Variants in TOX observed in about 807,000 individuals in gnomAD.
The protein encoded by TOX is thymocyte selection associated high mobility group box.
In TOX, 11 loss-of-function variants were observed where a neutral mutation model predicts 53.7. The observed-to-expected ratio is 0.20, with a 90% CI of 0.13 to 0.34. The LOEUF is 0.34. Among genes scored for constraint, TOX ranks in the 10% least tolerant of loss-of-function variants. The pLI is 1.00. For synonymous variants in TOX, 225 were observed against 245.3 expected, an observed-to-expected ratio of 0.92 and a Z score of 0.77; for missense variants, 570 against 664.6, an observed-to-expected ratio of 0.86 and a Z score of 1.56.
In TOX at chr8:58,851,619, C is replaced by A. The variant is rs1213863036; in HGVS notation, c.598G>T (p.Val200Phe). Residue 200 changes from valine to phenylalanine, a missense_variant, in exon 4 of 9, where the codon GTT (valine) becomes TTT (phenylalanine). Val to Phe is a conservative substitution (Grantham distance 50). Transcript: ENST00000361421. This position sits in a 1 kb window ranked among gnomAD's most constrained non-coding sequence, Gnocchi z 4.4. ...QLGLNMGGSNVPHNSPSPPGS... is the reference protein window; with the variant it reads ...QLGLNMGGSNFPHNSPSPPGS... Reference sequence around the variant, plus strand: ...GGTGGAGATGGTGAGTTGTGGGGAACATTGCTTCCTCCCATATTCAAACCA... The same window carrying A: ...GGTGGAGATGGTGAGTTGTGGGGAAAATTGCTTCCTCCCATATTCAAACCA... The A allele has an allele frequency of 6.2e-7, 1 of 1,613,440 alleles. No individual in the cohort carries two copies. The highest frequency in any genetic ancestry group is 8.5e-7 in the Non-Finnish European group (1 of 1,179,774).
At chr8:59,070,759 C>G (rs1424833014) in intron 1 of TOX, among the ~76,000 whole-genome samples, 1 of 152,094 alleles carries the variant, frequency 6.6e-6, no homozygotes, top group Non-Finnish European at 1.5e-5. Flanking sequence ...ACCTCTATTT[C>G]ATCTGAAATA....
At chr8:58,912,217 A>T (rs1811920666) in intron 3 of TOX, among the ~76,000 whole-genome samples, 1 of 152,250 alleles carries the variant, frequency 6.6e-6, no homozygotes, top group Admixed American at 6.5e-5. Context: ...AGTACAATTT[A>T]CTTTAATTTA....
At chr8:58,908,248 A>G (rs1811851108) in intron 3 of TOX, among the ~76,000 whole-genome samples, 1 of 152,202 alleles carries the variant, frequency 6.6e-6, no homozygotes, top group African/African-American at 2.4e-5. Context: ...GTAATAGCAC[A>G]GATGGGGAAT....
chr8:59,068,417 AGG>A (rs1290451441), intron 1 of TOX, among the ~76,000 whole-genome samples: 3 of 148,584 alleles, frequency 2.0e-5, no homozygotes, highest in Admixed American at 1.3e-4. Flanking sequence ...GAAGAAGAAG[AGG>A]AAAAAAAGAG....
At chr8:58,837,175 T>A (rs190787357) in intron 5 of TOX, among the ~76,000 whole-genome samples, 16 of 152,338 alleles carry the variant, frequency 1.1e-4, no homozygotes, top group African/African-American at 3.8e-4. Context: ...GAGGAAAGAT[T>A]GGTGTCTCTA....
At chr8:58,909,474 A>T (rs1234972315) in intron 3 of TOX, among the ~76,000 whole-genome samples, 1 of 152,214 alleles carries the variant, frequency 6.6e-6, no homozygotes. Flanking sequence ...TTGTATGGAC[A>T]TTAAAATTTG....
intron 3 of TOX, among the ~76,000 whole-genome samples, chr8:58,886,895 G>A (rs1346452876): frequency 2.5e-4 from 37 of 150,416 alleles, no homozygotes; most frequent in Non-Finnish European, 1.5e-5. Flanking sequence ...GTTAAAGGTA[G>A]TTGTTATAGG....
chr8:58,875,537 G>C (rs1051715344), intron 3 of TOX, among the ~76,000 whole-genome samples: 1 of 152,032 alleles, frequency 6.6e-6, no homozygotes, highest in African/African-American at 2.4e-5. Context: ...CTCCCTCTTA[G>C]AATAGAAAAA....
intron 3 of TOX, among the ~76,000 whole-genome samples, chr8:58,914,856 G>C (rs1353780909): frequency 5.9e-5 from 9 of 151,866 alleles, no homozygotes; most frequent in Non-Finnish European, 4.4e-5. Context: ...CACCGTGCGC[G>C]AGCCGAAGCA....
chr8:59,066,564 C>G (rs1804097657), intron 1 of TOX, among the ~76,000 whole-genome samples: 5 of 152,146 alleles, frequency 3.3e-5, no homozygotes, highest in Admixed American at 3.3e-4. Context: ...TTACAGATTG[C>G]CTGCCTTCCC....
intron 3 of TOX, among the ~76,000 whole-genome samples, chr8:58,895,391 T>C (rs978483951): frequency 2.0e-5 from 3 of 152,168 alleles, no homozygotes; most frequent in African/African-American, 7.2e-5. Flanking sequence ...AACGTATAAA[T>C]ATATGAGATA....
intron 7 of TOX, among the ~76,000 whole-genome samples, chr8:58,811,454 C>T (rs1394180017): frequency 6.6e-6 from 1 of 152,176 alleles, no homozygotes; most frequent in African/African-American, 2.4e-5. Context: ...TGTTGTGCCA[C>T]CAGAGCAAGT....
In TOX at chr8:58,838,324, T is replaced by C; in HGVS notation, c.694-13A>G. The C allele has an allele frequency of 1.2e-6, 2 of 1,606,850 alleles. No individual in the cohort carries two copies. The highest frequency in any genetic ancestry group is 8.5e-7 in the Non-Finnish European group (1 of 1,175,822). The stretch of plus-strand genomic sequence containing the variant: ...CTCCACCATTGATCTGAAAGAGAAA[T>C]CAAAATAGAATTATAGGGGGACTGA... On this transcript the variant is annotated splice_polypyrimidine_tract_variant and intron_variant, in intron 4 of 8. Coordinates refer to ENST00000361421, the MANE Select transcript of TOX (RefSeq NM_014729.3).
intron 7 of TOX, among the ~76,000 whole-genome samples, chr8:58,810,696 G>A (rs1810062571): frequency 6.6e-6 from 1 of 151,994 alleles, no homozygotes; most frequent in Non-Finnish European, 1.5e-5. Context: ...TAACCTAAAA[G>A]GAAAAAAGTC....
intron 6 of TOX, among the ~76,000 whole-genome samples, chr8:58,824,097 T>C (rs2129165566): frequency 6.6e-6 from 1 of 152,162 alleles, no homozygotes; most frequent in South Asian, 2.1e-4. Flanking sequence ...CTGGGTATTT[T>C]AGGAGTGCGG....
At chr8:58,900,321 A>T (rs1811714121) in intron 3 of TOX, among the ~76,000 whole-genome samples, 1 of 152,204 alleles carries the variant, frequency 6.6e-6, no homozygotes, top group East Asian at 1.9e-4. Context: ...TTTATATAAT[A>T]CAACCTCTAT....
chr8:58,900,594 T>C (rs781435685), intron 3 of TOX, among the ~76,000 whole-genome samples: 13 of 152,150 alleles, frequency 8.5e-5, no homozygotes, highest in Non-Finnish European at 1.6e-4. Context: ...AAAATGCTCA[T>C]ACAATATGAC....
chr8:58,884,414 C>T (rs1051849783), intron 3 of TOX, among the ~76,000 whole-genome samples: 2 of 152,086 alleles, frequency 1.3e-5, no homozygotes, highest in African/African-American at 4.8e-5. Flanking sequence ...TGGGACCTGA[C>T]AAGTTTCTTT....
chr8:58,891,125 A>T (rs1008405116), intron 3 of TOX, among the ~76,000 whole-genome samples: 1 of 151,938 alleles, frequency 6.6e-6, no homozygotes, highest in Non-Finnish European at 1.5e-5. Flanking sequence ...GGTGATAAAG[A>T]GAGGAAAGAT....
Sources: allele counts gnomAD v4.1 joint callset (sites outside exome capture counted in the v4.1 genomes callset), GRCh38; gene constraint gnomAD v4.1.1; non-coding constraint Gnocchi (gnomAD v3.1); transcripts MANE v1.5; gene names NCBI Gene and HGNC (gene_info 2026-07-23, HGNC 2026-07-21).